Variants in DMD observed in about 807,000 individuals in gnomAD.
DMD encodes mutant dystrophin.
DMD carries 63 observed loss-of-function variants against 330.1 expected under a neutral mutation model. That is an observed-to-expected ratio of 0.19 (90% CI 0.16 to 0.24). The LOEUF is 0.24. DMD is among the 10% of genes least tolerant of loss of function. The probability of loss-of-function intolerance (pLI) is 1.00; values close to 1 mark genes in which losing one functional copy is unlikely to be tolerated. For missense variants in DMD, 3,344 were observed against 2,684.1 expected, an observed-to-expected ratio of 1.25 and a Z score of -5.43; for synonymous variants, 1,223 against 959.8, an observed-to-expected ratio of 1.27 and a Z score of -5.07.
chrX:31,676,456 G>T (rs1412003811), intron 53 of DMD, among the ~76,000 whole-genome samples: 1 of 112,106 alleles, frequency 8.9e-6, no homozygotes, highest in Non-Finnish European at 1.9e-5. Flanking sequence ...AATATAATAT[G>T]AAATTTTTTT....
At chrX:32,006,631 T>C (rs997066454) in intron 44 of DMD, among the ~76,000 whole-genome samples, 1 of 111,339 alleles carries the variant, frequency 9.0e-6, no homozygotes, top group African/African-American at 3.3e-5. Context: ...GGATGAATAG[T>C]TTCCCCTGAA....
chrX:32,507,381 G>A lies in DMD; in HGVS notation c.2293-5539C>T, dbSNP rs1603635093. On this transcript the variant is annotated intron_variant, in intron 18 of 78. Coordinates refer to ENST00000357033, the MANE Select transcript of DMD (RefSeq NM_004006.3). Reference sequence around the variant, plus strand: ...ATAAAAAGTAGAATGAGAACACTATGTGGTCTTTATAAATATTGAAAATAA... The same window carrying A: ...ATAAAAAGTAGAATGAGAACACTATATGGTCTTTATAAATATTGAAAATAA... 2.7e-5 allele frequency among the ~76,000 whole-genome samples: 3 copies of A among 111,583 alleles called. No individual in the cohort carries two copies. In the South Asian group the frequency reaches 1.1e-3, roughly 42 times the overall value.
At chrX:32,395,677 A>T (rs1347647608) in intron 30 of DMD, among the ~76,000 whole-genome samples, 1 of 112,087 alleles carries the variant, frequency 8.9e-6, no homozygotes, top group Non-Finnish European at 1.9e-5. Flanking sequence ...ACATGATTTA[A>T]CTAGCATATG....
chrX:32,653,297 C>A (rs751248882), intron 9 of DMD, among the ~76,000 whole-genome samples: 3 of 111,989 alleles, frequency 2.7e-5, no homozygotes, highest in South Asian at 3.7e-4. Flanking sequence ...TTAGGTCTAA[C>A]ATTTAAGTCT....
intron 1 of DMD, among the ~76,000 whole-genome samples, chrX:33,226,251 T>TA (rs1239554859): frequency 9.0e-6 from 1 of 111,407 alleles, no homozygotes; most frequent in Non-Finnish European, 1.9e-5. Context: ...AATTTGCTCA[T>TA]AAAAAAACTG....
At chrX:33,287,707 G>A (rs1441698773) in intron 1 of DMD, among the ~76,000 whole-genome samples, 1 of 111,448 alleles carries the variant, frequency 9.0e-6, no homozygotes, top group African/African-American at 3.3e-5. Flanking sequence ...AGAATGTAGA[G>A]CACTAGGCCA....
intron 1 of DMD, among the ~76,000 whole-genome samples, chrX:33,036,148 GAC>G (rs1293203474): frequency 9.0e-6 from 1 of 110,916 alleles, no homozygotes; most frequent in Non-Finnish European, 1.9e-5. Context: ...GAGACAGAGA[GAC>G]AGATGCATTA....
At chrX:31,831,014 G>C (rs1451785836) in intron 49 of DMD, among the ~76,000 whole-genome samples, 2 of 112,307 alleles carry the variant, frequency 1.8e-5, no homozygotes, top group Non-Finnish European at 3.8e-5. Context: ...TCCAGAAATG[G>C]CTTCTACTTT....
At chrX:32,782,835 C>T (rs779257022) in intron 7 of DMD, among the ~76,000 whole-genome samples, 2 of 107,622 alleles carry the variant, frequency 1.9e-5, no homozygotes, top group East Asian at 5.8e-4. Flanking sequence ...TATTGTATGC[C>T]TCTATCAAAA....
chrX:31,549,825 C>T (rs111819438), intron 55 of DMD, among the ~76,000 whole-genome samples: 5 of 112,051 alleles, frequency 4.5e-5, no homozygotes, highest in Admixed American at 1.9e-4. Flanking sequence ...TTAAAAGAAT[C>T]GTTTATGAGT....
At position 32,543,330 on chromosome X, in the gene DMD, C is replaced by CT. The variant is rs756531179; in HGVS notation, c.2168+1828dup. ...GAAAACAAAAAGAAGTCAGAACACACTTTTTTTTTTTTTCCAACACAATCC... is the reference window on the plus strand; with the variant it reads ...GAAAACAAAAAGAAGTCAGAACACACTTTTTTTTTTTTTTCCAACACAATCC... On this transcript the variant is annotated intron_variant, in intron 17 of 78. Coordinates refer to ENST00000357033, the MANE Select transcript of DMD (RefSeq NM_004006.3). Among the ~76,000 whole-genome samples the CT allele has an allele frequency of 2.6e-3, 267 of 103,705 alleles. 1 individual carries two copies. The highest frequency in any genetic ancestry group is 4.1e-3 in the African/African-American group (118 of 28,877). The allele number at this position is 103,705 out of a possible 115,157, so 90.1% of individuals were successfully genotyped here.
intron 52 of DMD, among the ~76,000 whole-genome samples, chrX:31,718,321 C>T (rs746512982): frequency 9.0e-6 from 1 of 111,036 alleles, no homozygotes; most frequent in South Asian, 3.9e-4. Flanking sequence ...TTCGTGCACC[C>T]ATTTTCTAGA....
intron 9 of DMD, among the ~76,000 whole-genome samples, chrX:32,683,550 A>G (rs1192405189): frequency 9.5e-6 from 1 of 104,728 alleles, no homozygotes; most frequent in African/African-American, 3.5e-5. Context: ...AGGACAAAAA[A>G]CCAAACACCG....
chrX:32,621,836 C>A (rs1263160511), intron 11 of DMD, among the ~76,000 whole-genome samples: 1 of 111,212 alleles, frequency 9.0e-6, no homozygotes, highest in African/African-American at 3.3e-5. Context: ...GGACCAACAG[C>A]ATCAGCCCAT....
intron 44 of DMD, among the ~76,000 whole-genome samples, chrX:32,204,994 C>CA (rs2097058065): frequency 1.9e-5 from 1 of 51,386 alleles, no homozygotes; most frequent in Non-Finnish European, 3.6e-5. Context: ...CTCTCTCTCT[C>CA]TCTCTCTCTC....
chrX:32,129,699 T>G (rs1414156608), intron 44 of DMD, among the ~76,000 whole-genome samples: 1 of 91,084 alleles, frequency 1.1e-5, no homozygotes, highest in Admixed American at 1.3e-4. Flanking sequence ...TATATATATA[T>G]AGATATGGAG....
chrX:32,710,099 A>G (rs1439358934), intron 7 of DMD, among the ~76,000 whole-genome samples: 1 of 111,696 alleles, frequency 9.0e-6, no homozygotes, highest in Non-Finnish European at 1.9e-5. Context: ...TCTGCAAAAG[A>G]GATTCAGTTT....
chrX:31,761,691 T>C (rs962913805), intron 51 of DMD, among the ~76,000 whole-genome samples: 1 of 112,341 alleles, frequency 8.9e-6, no homozygotes, highest in African/African-American at 3.2e-5. Flanking sequence ...AGTTACTGCT[T>C]TCTCTTTCTC....
chrX:33,304,239 C>T (rs1345314818), intron 1 of DMD, among the ~76,000 whole-genome samples: 2 of 110,692 alleles, frequency 1.8e-5, no homozygotes, highest in Non-Finnish European at 3.8e-5. Context: ...TGGAACAGAA[C>T]AGAGCCCTCA....
Sources: allele counts gnomAD v4.1 joint callset (sites outside exome capture counted in the v4.1 genomes callset), GRCh38; gene constraint gnomAD v4.1.1; transcripts MANE v1.5; gene names NCBI Gene and HGNC (gene_info 2026-07-23, HGNC 2026-07-21).